The following PRICKLE2 variants were observed in gnomAD, a reference collection of about 807,000 sequenced individuals.
PRICKLE2 encodes the protein prickle planar cell polarity protein 2.
A neutral mutation model predicts 81.4 loss-of-function variants in PRICKLE2; 21 were observed. The observed-to-expected ratio is 0.26, with a 90% CI of 0.18 to 0.37. The LOEUF is 0.37. Ranked by LOEUF, PRICKLE2 falls within the 10% of genes least tolerant of loss-of-function variation. PRICKLE2 has a pLI of 1.00. For synonymous variants in PRICKLE2, 456 were observed against 421.5 expected, an observed-to-expected ratio of 1.08 and a Z score of -1.00; for missense variants, 940 against 1,109.0, an observed-to-expected ratio of 0.85 and a Z score of 2.16.
intron 7 of PRICKLE2, among the ~76,000 whole-genome samples, chr3:64,129,770 G>C (rs1204016045): frequency 6.6e-6 from 1 of 152,124 alleles, no homozygotes; most frequent in Non-Finnish European, 1.5e-5. Flanking sequence ...GCTGTGTCCT[G>C]GCTGCTGGGG....
chr3:64,197,538 A>T (rs1412878676), intron 2 of PRICKLE2, among the ~76,000 whole-genome samples: 1 of 152,214 alleles, frequency 6.6e-6, no homozygotes, highest in Admixed American at 6.5e-5. Flanking sequence ...AAAGTACAAG[A>T]TCATATCCTT....
chr3:64,096,044 TC>T lies in PRICKLE2; in HGVS notation c.*3006del, dbSNP rs1209079599. ...CAGGAAACTGTCAATGACTTATACT[TC>T]CTGGGTCTGGGAACAAGCCAGCTAT... On this transcript the variant is annotated 3_prime_UTR_variant, in exon 8 of 8. Coordinates refer to ENST00000638394, the MANE Select transcript of PRICKLE2 (RefSeq NM_198859.4). The T allele has an allele frequency of 4.6e-5, 7 of 152,172 alleles. No individual in the cohort carries two copies. The highest frequency in any genetic ancestry group is 3.9e-4 in the East Asian group (2 of 5,192). The allele number at this position is 152,172 out of a possible 1,614,324, so 9.4% of individuals were successfully genotyped here.
At chr3:64,224,828 A>G (rs2107153744) in intron 1 of PRICKLE2, 82 bp downstream of exon 1, 1 of 824,764 alleles carries the variant, frequency 1.2e-6, no homozygotes, top group Non-Finnish European at 1.5e-6. Flanking sequence ...CCCAGTGCAA[A>G]GGCCCTAGAT....
At chr3:64,136,489 T>C (rs574757370) in intron 7 of PRICKLE2, among the ~76,000 whole-genome samples, 61 of 150,510 alleles carry the variant, frequency 4.1e-4, no homozygotes, top group African/African-American at 1.4e-3. Context: ...AAGTGATCCC[T>C]GGAATACTCA....
At chr3:64,216,243 T>C (rs2078870019) in intron 1 of PRICKLE2, among the ~76,000 whole-genome samples, 1 of 152,218 alleles carries the variant, frequency 6.6e-6, no homozygotes, top group Admixed American at 6.5e-5. Context: ...ACCTTTCGGG[T>C]GACTTGATGC....
intron 2 of PRICKLE2, among the ~76,000 whole-genome samples, chr3:64,196,798 G>A (rs967102148): frequency 2.0e-5 from 3 of 152,104 alleles, no homozygotes; most frequent in African/African-American, 4.8e-5. Flanking sequence ...GTAGAGACTC[G>A]GATGATTCGG....
chr3:64,181,583 G>A (rs895913333), intron 2 of PRICKLE2, among the ~76,000 whole-genome samples: 8 of 151,632 alleles, frequency 5.3e-5, no homozygotes, highest in Non-Finnish European at 7.4e-5. Context: ...AGATCCTTTC[G>A]GAAACTAGGC....
chr3:64,238,181 C>T lies in PRICKLE2; in HGVS notation c.129-39214G>A, dbSNP rs1240112711. Among the ~76,000 whole-genome samples, 14 of 152,162 alleles carry T rather than the reference C, an allele frequency of 9.2e-5. 1 individual carries two copies. The highest frequency in any genetic ancestry group is 5.2e-4 in the Admixed American group (8 of 15,274). On this transcript the variant is annotated intron_variant, in intron 2 of 8. Coordinates refer to the PRICKLE2 transcript ENST00000295902. ...TTTAGTTATATACCACAACGTGCTT[C>T]CTTTTAGAAAACTTGGTAGTATTGG...
chr3:64,144,565 C>T (rs1575586531), intron 7 of PRICKLE2, among the ~76,000 whole-genome samples: 2 of 152,236 alleles, frequency 1.3e-5, no homozygotes, highest in South Asian at 2.1e-4. Flanking sequence ...CAGACACCAT[C>T]GGCTATGGAA....
At chr3:64,195,714 A>C in intron 2 of PRICKLE2, among the ~76,000 whole-genome samples, 1 of 152,230 alleles carries the variant, frequency 6.6e-6, no homozygotes, top group East Asian at 1.9e-4. Context: ...TGCTATACGT[A>C]ATAGACTTTA....
At chr3:64,245,372 C>G (rs1052657454) in intron 2 of PRICKLE2, among the ~76,000 whole-genome samples, 1 of 152,048 alleles carries the variant, frequency 6.6e-6, no homozygotes, top group Admixed American at 6.5e-5. Flanking sequence ...TTTTTGTAGT[C>G]ACGGCTATCT....
intron 2 of PRICKLE2, among the ~76,000 whole-genome samples, chr3:64,179,307 C>G (rs528616518): frequency 1.2e-4 from 18 of 152,054 alleles, no homozygotes; most frequent in African/African-American, 3.9e-4. Flanking sequence ...AACTCACTAC[C>G]TCAGGTGATC....
chr3:64,125,347 G>T (rs2077089877), intron 7 of PRICKLE2, among the ~76,000 whole-genome samples: 1 of 152,238 alleles, frequency 6.6e-6, no homozygotes, highest in Non-Finnish European at 1.5e-5. Context: ...AGTGGATAAA[G>T]CAGTGGCAGG....
intron 2 of PRICKLE2, among the ~76,000 whole-genome samples, chr3:64,185,332 T>A (rs368941884): frequency 6.6e-6 from 1 of 152,132 alleles, no homozygotes; most frequent in Admixed American, 6.5e-5. Context: ...TTTCAGTAAG[T>A]TAGGAAAAGA....
chr3:64,152,690 G>A (rs952919189), intron 6 of PRICKLE2, among the ~76,000 whole-genome samples: 1 of 152,040 alleles, frequency 6.6e-6, no homozygotes, highest in Non-Finnish European at 1.5e-5. Context: ...TATCTGTTTA[G>A]ATTTTCCTTC....
intron 1 of PRICKLE2, among the ~76,000 whole-genome samples, chr3:64,203,266 C>A (rs1019201226): frequency 6.6e-6 from 1 of 152,070 alleles, no homozygotes; most frequent in African/African-American, 2.4e-5. Context: ...ATAGTCAGAG[C>A]TCATTTGAAT....
intron 1 of PRICKLE2, among the ~76,000 whole-genome samples, chr3:64,211,813 A>C (rs2078793565): frequency 6.6e-6 from 1 of 152,210 alleles, no homozygotes; most frequent in South Asian, 2.1e-4. Context: ...GGCCTGCTTG[A>C]GGAAGCTGGA....
intron 1 of PRICKLE2, among the ~76,000 whole-genome samples, chr3:64,213,641 T>C (rs1335515399): frequency 6.6e-6 from 1 of 152,184 alleles, no homozygotes; most frequent in Non-Finnish European, 1.5e-5. Flanking sequence ...CATTTTCCCC[T>C]GAGCCCAGGG....
chr3:64,143,678 C>G (rs926360442), intron 7 of PRICKLE2, among the ~76,000 whole-genome samples: 1 of 152,182 alleles, frequency 6.6e-6, no homozygotes, highest in Admixed American at 6.5e-5. Flanking sequence ...CTGGGCCCCA[C>G]CTCTGTAGAG....
Sources: gnomAD v4.1 joint callset for allele counts (sites outside exome capture counted in the v4.1 genomes callset) on GRCh38, gnomAD v4.1.1 for gene constraint, MANE v1.5 for transcripts, NCBI Gene and HGNC (gene_info 2026-07-23, HGNC 2026-07-21) for gene names.